CTNNA3: variants seen among roughly 807,000 people sequenced by gnomAD.
CTNNA3 encodes the protein catenin alpha-3.
CTNNA3 carries 76 observed loss-of-function variants against 95.7 expected under a neutral mutation model. That is an observed-to-expected ratio of 0.79 (90% confidence interval 0.66 to 0.96). CTNNA3 has a LOEUF of 0.96. CTNNA3 is among the 40% of genes least tolerant of loss of function. CTNNA3 has a pLI of 0.00. For synonymous variants in CTNNA3, 431 were observed against 374.4 expected (o/e 1.15, Z -1.74); for missense variants, 1,191 against 1,089.8 (o/e 1.09, Z -1.31).
At chr10:66,948,464 A>G (rs1365758139) in intron 7 of CTNNA3, among the ~76,000 whole-genome samples, 1 of 152,218 alleles carries the variant, frequency 6.6e-6, no homozygotes, top group East Asian at 1.9e-4. Context: ...CTGTTACTAC[A>G]TGTGTTATGT....
intron 5 of CTNNA3, among the ~76,000 whole-genome samples, chr10:67,455,120 T>G (rs949456266): frequency 1.3e-5 from 2 of 152,200 alleles, no homozygotes; most frequent in African/African-American, 4.8e-5. Flanking sequence ...GATTCGATTG[T>G]ACTTTCTATT....
intron 7 of CTNNA3, among the ~76,000 whole-genome samples, chr10:66,923,137 G>T (rs1846876053): frequency 6.6e-6 from 1 of 152,280 alleles, no homozygotes; most frequent in South Asian, 2.1e-4. Flanking sequence ...TAGGTGTAAA[G>T]TCAGAACTAT....
chr10:67,011,206 T>A (rs1852310045), intron 7 of CTNNA3, among the ~76,000 whole-genome samples: 1 of 151,954 alleles, frequency 6.6e-6, no homozygotes, highest in South Asian at 2.1e-4. Flanking sequence ...CCGGGTGTGG[T>A]GGTATGTGAC....
chr10:66,691,961 T>C (rs1223033103), intron 9 of CTNNA3, among the ~76,000 whole-genome samples: 1 of 152,104 alleles, frequency 6.6e-6, no homozygotes, highest in Non-Finnish European at 1.5e-5. Flanking sequence ...AACCCATCTG[T>C]ACATCGCCAT....
chr10:66,530,683 T>G (rs1027295118), intron 10 of CTNNA3, among the ~76,000 whole-genome samples: 1 of 152,106 alleles, frequency 6.6e-6, no homozygotes, highest in South Asian at 2.1e-4. Context: ...AGGTTTACAA[T>G]TAATGAAACT....
At chr10:67,624,994 G>C (rs1324950169) in intron 2 of CTNNA3, among the ~76,000 whole-genome samples, 1 of 152,030 alleles carries the variant, frequency 6.6e-6, no homozygotes, top group Non-Finnish European at 1.5e-5. Flanking sequence ...AGTCCCTCTT[G>C]TTTTATGTCC....
chr10:67,221,072 A>G (rs897640247), intron 5 of CTNNA3, among the ~76,000 whole-genome samples: 2 of 152,190 alleles, frequency 1.3e-5, no homozygotes, highest in Non-Finnish European at 2.9e-5. Flanking sequence ...AACTAAATGC[A>G]GTGTGGTACT....
intron 13 of CTNNA3, among the ~76,000 whole-genome samples, chr10:66,247,603 A>G (rs2090389005): frequency 6.6e-6 from 1 of 152,208 alleles, no homozygotes; most frequent in Non-Finnish European, 1.5e-5. Flanking sequence ...AGCAAGAGAA[A>G]AGAAATAAAT....
intron 13 of CTNNA3, among the ~76,000 whole-genome samples, chr10:66,179,008 A>G (rs2085889070): frequency 6.6e-6 from 1 of 152,012 alleles, no homozygotes; most frequent in Non-Finnish European, 1.5e-5. Flanking sequence ...TATTACAAAA[A>G]CTAACCATGC....
At chr10:67,124,333 G>GGGGTGTGT (rs1465657190) in intron 7 of CTNNA3, among the ~76,000 whole-genome samples, 20 of 141,770 alleles carry the variant, frequency 1.4e-4, no homozygotes, top group African/African-American at 4.2e-4. Context: ...GTGTGTTAGC[G>GGGGTGTGT]GTGTGTGTGT....
At chr10:66,682,309 T>C (rs1272833684) in intron 9 of CTNNA3, among the ~76,000 whole-genome samples, 1 of 152,002 alleles carries the variant, frequency 6.6e-6, no homozygotes, top group African/African-American at 2.4e-5. Context: ...AATCTTTTCA[T>C]CTGGGGGTTA....
Position 67,680,091 on chromosome 10 carries a change from C to A in CTNNA3, c.-6+15909G>T, listed in dbSNP as rs149273903. On this transcript the variant is annotated intron_variant, in intron 1 of 17. Coordinates refer to ENST00000433211, the MANE Select transcript of CTNNA3 (RefSeq NM_013266.4). ...ATCTAATTGGATGTCAATTGAGTAA[C>A]AGTAGGAGAGATATTAAAAATATTT... Among the ~76,000 whole-genome samples, 1,438 of 152,180 alleles carry A rather than the reference C, an allele frequency of 9.4e-3. 18 individuals are homozygous for A. The highest frequency in any genetic ancestry group is 0.022 in the Admixed American group (337 of 15,290).
chr10:66,292,482 C>T (rs961546617), intron 12 of CTNNA3, among the ~76,000 whole-genome samples: 1 of 152,090 alleles, frequency 6.6e-6, no homozygotes, highest in Admixed American at 6.6e-5. Flanking sequence ...CTGTGAATTT[C>T]GTGTAGGTCT....
intron 6 of CTNNA3, among the ~76,000 whole-genome samples, chr10:67,201,951 G>C (rs974104595): frequency 6.6e-6 from 1 of 152,182 alleles, no homozygotes; most frequent in East Asian, 1.9e-4. Flanking sequence ...CCCATGAAGA[G>C]AGCCCTGGAT....
At chr10:67,410,048 C>G (rs1845306069) in intron 5 of CTNNA3, among the ~76,000 whole-genome samples, 1 of 152,136 alleles carries the variant, frequency 6.6e-6, no homozygotes, top group African/African-American at 2.4e-5. Flanking sequence ...TAATAAGACT[C>G]ATGCACACAT....
At chr10:66,276,058 T>C (rs1180000954) in intron 13 of CTNNA3, among the ~76,000 whole-genome samples, 1 of 152,180 alleles carries the variant, frequency 6.6e-6, no homozygotes, top group Non-Finnish European at 1.5e-5. Flanking sequence ...AAACAATTAA[T>C]GTAAACTGGG....
At chr10:66,636,287 A>G (rs2132360827) in intron 9 of CTNNA3, among the ~76,000 whole-genome samples, 1 of 152,190 alleles carries the variant, frequency 6.6e-6, no homozygotes, top group Admixed American at 6.5e-5. Flanking sequence ...GCAGGGGCAT[A>G]AGCTATTACA....
intron 13 of CTNNA3, among the ~76,000 whole-genome samples, chr10:66,137,488 G>C (rs976432923): frequency 1.3e-5 from 2 of 151,880 alleles, no homozygotes; most frequent in African/African-American, 2.4e-5. Flanking sequence ...CAATGGCAGG[G>C]GGCAGGGACA....
chr10:67,718,916 G>C (rs1363330148), intron 1 of CTNNA3, among the ~76,000 whole-genome samples: 2 of 152,146 alleles, frequency 1.3e-5, no homozygotes, highest in Non-Finnish European at 2.9e-5. Context: ...GAATTCGGCT[G>C]TGAAGACATC....
Sources: allele counts gnomAD v4.1 joint callset (sites outside exome capture counted in the v4.1 genomes callset), GRCh38; gene constraint gnomAD v4.1.1; transcripts MANE v1.5; gene names NCBI Gene and HGNC (gene_info 2026-07-23, HGNC 2026-07-21).